Variants in SIPA1L2 observed in about 807,000 individuals in gnomAD.
SIPA1L2 encodes the protein signal induced proliferation associated 1 like 2, also known as signal-induced proliferation-associated 1-like protein 2.
A neutral mutation model predicts 163.9 loss-of-function variants in SIPA1L2; 56 were observed. The observed-to-expected ratio is 0.34, with a 90% CI of 0.28 to 0.43. SIPA1L2 has a LOEUF of 0.43. SIPA1L2 is among the 20% of genes least tolerant of loss of function. The pLI, the probability that SIPA1L2 is intolerant of heterozygous loss-of-function variation, is 1.00. For missense variants in SIPA1L2, 1,974 were observed against 2,193.5 expected (o/e 0.90, Z 2.00); for synonymous variants, 877 against 865.7 (o/e 1.01, Z -0.23).
intron 2 of SIPA1L2, among the ~76,000 whole-genome samples, chr1:232,568,460 G>A: frequency 6.6e-6 from 1 of 152,192 alleles, no homozygotes; most frequent in East Asian, 1.9e-4. Context: ...GACAGCAGCA[G>A]AGGAAAAAAC....
chr1:232,434,982 T>C lies in SIPA1L2; in HGVS notation c.4032-2511A>G, dbSNP rs1384270279. On this transcript the variant is annotated intron_variant, in intron 15 of 22. Coordinates refer to ENST00000674635, the MANE Select transcript of SIPA1L2 (RefSeq NM_020808.5). ...GTTATCTAACAGTCCACATGCTAGT[T>C]TCCCCATTGTCCCAATAAGGCTTAT... 2.0e-5 allele frequency among the ~76,000 whole-genome samples: 3 copies of C among 152,174 alleles called. No individual in the cohort carries two copies. In the East Asian group the frequency reaches 5.8e-4, roughly 29 times the overall value.
At chr1:232,512,985 T>A (rs1667050514) in intron 3 of SIPA1L2, among the ~76,000 whole-genome samples, 1 of 152,104 alleles carries the variant, frequency 6.6e-6, no homozygotes, top group South Asian at 2.1e-4. Context: ...CGGGTGAAAC[T>A]GAAGACAGAA....
At chr1:232,530,619 C>A (rs972243291) in intron 2 of SIPA1L2, among the ~76,000 whole-genome samples, 1 of 152,078 alleles carries the variant, frequency 6.6e-6, no homozygotes, top group South Asian at 2.1e-4. Flanking sequence ...TTTTGCCCAG[C>A]GGTTCCCAAA....
At chr1:232,505,996 C>A (rs1166636087) in intron 3 of SIPA1L2, among the ~76,000 whole-genome samples, 1 of 152,174 alleles carries the variant, frequency 6.6e-6, no homozygotes, top group Non-Finnish European at 1.5e-5. Context: ...CCATGCATCA[C>A]TCAGCAGTGA....
intron 2 of SIPA1L2, among the ~76,000 whole-genome samples, chr1:232,519,528 T>A (rs1220738417): frequency 6.6e-6 from 1 of 152,212 alleles, no homozygotes; most frequent in South Asian, 2.1e-4. Flanking sequence ...AGAAGCCATA[T>A]GAAGCGAGGG....
In SIPA1L2 at chr1:232,437,236, A is replaced by G. The variant is rs534031050; in HGVS notation, c.4031+1872T>C. Reference sequence around the variant, plus strand: ...TTGTGATGCCAATGACATCTGTCCAAAAAGGTGTCATGAAATCAGCTCTTT... The same window carrying G: ...TTGTGATGCCAATGACATCTGTCCAGAAAGGTGTCATGAAATCAGCTCTTT... On this transcript the variant is annotated intron_variant, in intron 15 of 22. Transcript: ENST00000674635. Among the ~76,000 whole-genome samples the G allele has an allele frequency of 6.8e-4, 104 of 152,326 alleles. No homozygotes were observed. The Middle Eastern group carries it at 0.014, about 20-fold the overall frequency.
At chr1:232,610,554 C>A (rs779413783) in intron 1 of SIPA1L2, among the ~76,000 whole-genome samples, 1 of 152,214 alleles carries the variant, frequency 6.6e-6, no homozygotes, top group Non-Finnish European at 1.5e-5. Context: ...TGATAAACAG[C>A]AAAATATTTG....
chr1:232,491,150 AAAAG>A (rs1226456988), intron 4 of SIPA1L2, 88 bp from the exon 5 acceptor site: 272 of 1,208,932 alleles, frequency 2.2e-4, no homozygotes, highest in Non-Finnish European at 3.7e-5. Context: ...TAAGACAGGA[AAAAG>A]AGAAGCAAGG....
At chr1:232,553,234 A>G (rs1011535673) in intron 2 of SIPA1L2, among the ~76,000 whole-genome samples, 49 of 152,078 alleles carry the variant, frequency 3.2e-4, no homozygotes, top group African/African-American at 1.1e-3. Context: ...CTCCTCCCCA[A>G]CTGTCCCTAG....
intron 15 of SIPA1L2, among the ~76,000 whole-genome samples, chr1:232,433,741 T>A (rs921140667): frequency 6.6e-6 from 1 of 152,104 alleles, no homozygotes; most frequent in Non-Finnish European, 1.5e-5. Context: ...TTTATAAATA[T>A]GAAAAATTTT....
intron 1 of SIPA1L2, among the ~76,000 whole-genome samples, chr1:232,579,991 T>G (rs983630755): frequency 5.3e-5 from 8 of 152,068 alleles, no homozygotes; most frequent in Admixed American, 1.3e-4. Flanking sequence ...GAAAGCAAGT[T>G]TATTAAGGAA....
At chr1:232,556,204 G>T (rs930307708) in intron 2 of SIPA1L2, among the ~76,000 whole-genome samples, 71 of 152,344 alleles carry the variant, frequency 4.7e-4, no homozygotes, top group African/African-American at 1.7e-3. Context: ...ACAGAGGAAT[G>T]AACTGAACTC....
chr1:232,619,309 T>G (rs1662672078), intron 1 of SIPA1L2, among the ~76,000 whole-genome samples: 1 of 152,218 alleles, frequency 6.6e-6, no homozygotes, highest in Admixed American at 6.5e-5. Context: ...AACCACACAG[T>G]CTTTCATCTG....
At chr1:232,471,260 T>A in intron 8 of SIPA1L2, 111 bp downstream of exon 8, 2 of 1,205,606 alleles carry the variant, frequency 1.7e-6, no homozygotes, top group African/African-American at 1.6e-5. Context: ...TCTGAGTAAT[T>A]AGAAAATCAC....
intron 14 of SIPA1L2, 143 bp from the exon 15 acceptor site, chr1:232,439,639 C>T (rs1424808117): frequency 1.0e-6 from 1 of 965,340 alleles, no homozygotes; most frequent in East Asian, 2.5e-5. Flanking sequence ...ACAGGACTTC[C>T]TTTTTCAAAA....
intron 1 of SIPA1L2, among the ~76,000 whole-genome samples, chr1:232,623,958 C>T (rs917616169): frequency 6.6e-6 from 1 of 151,688 alleles, no homozygotes; most frequent in Non-Finnish European, 1.5e-5. Context: ...GATACAAATG[C>T]CCTTGAGATG....
chr1:232,498,354 A>G (rs904906398), intron 3 of SIPA1L2, among the ~76,000 whole-genome samples: 2 of 152,242 alleles, frequency 1.3e-5, no homozygotes, highest in Admixed American at 6.5e-5. Context: ...CCGGAGCAAT[A>G]CAATTTCTTG....
At chr1:232,466,423 A>G (rs963946464) in intron 8 of SIPA1L2, among the ~76,000 whole-genome samples, 1 of 152,230 alleles carries the variant, frequency 6.6e-6, no homozygotes, top group South Asian at 2.1e-4. Flanking sequence ...GCTCCCCTAC[A>G]TCAGAGAGTT....
chr1:232,555,072 AC>A (rs1397957984), intron 2 of SIPA1L2, among the ~76,000 whole-genome samples: 6 of 152,244 alleles, frequency 3.9e-5, no homozygotes, highest in Non-Finnish European at 7.3e-5. Context: ...AAAATCAGTT[AC>A]AATACAAACA....
Sources: allele counts gnomAD v4.1 joint callset (sites outside exome capture counted in the v4.1 genomes callset), GRCh38; gene constraint gnomAD v4.1.1; transcripts MANE v1.5; gene names NCBI Gene and HGNC (gene_info 2026-07-23, HGNC 2026-07-21).